Variants in GNG10 observed in about 807,000 individuals in gnomAD.
GNG10 encodes the protein G protein subunit gamma 10.
A neutral mutation model predicts 6.8 loss-of-function variants in GNG10; 7 were observed. The observed-to-expected ratio is 1.02, with a 90% CI of 0.58 to 1.92. The LOEUF (loss-of-function observed/expected upper bound fraction) is 1.92. Ranked by LOEUF, GNG10 falls within the 30% of genes most tolerant of loss-of-function variation. The pLI, the probability that GNG10 is intolerant of heterozygous loss-of-function variation, is 0.00. For missense variants in GNG10, 57 were observed against 86.1 expected (o/e 0.66, Z 1.34); for synonymous variants, 28 against 34.8 (o/e 0.80, Z 0.69).
rs1359731379 is a variant in GNG10, at chr9:111,661,943, C to T, written c.81+228C>T. 6.6e-6 allele frequency among the ~76,000 whole-genome samples: 1 copy of T among 151,852 alleles called. No individual in the cohort carries two copies. Among genetic ancestry groups the T allele is most frequent in the Non-Finnish European group, 1.5e-5 (1 of 67,908 alleles). ...GGGGGCCCCGCGGTCGTGGTCGGTCCCGGTCCCTGGGGGTGCGCCCACTCC... is the reference window on the plus strand; with the variant it reads ...GGGGGCCCCGCGGTCGTGGTCGGTCTCGGTCCCTGGGGGTGCGCCCACTCC... On this transcript the variant is annotated intron_variant, in intron 1 of 2. Transcript: ENST00000374293. The surrounding 1 kb of genome is among the most constrained non-coding windows in gnomAD (Gnocchi z 6.1).
At chr9:111,664,832 T>C (rs1017041848) in intron 1 of GNG10, among the ~76,000 whole-genome samples, 1 of 152,166 alleles carries the variant, frequency 6.6e-6, no homozygotes, top group African/African-American at 2.4e-5. Flanking sequence ...GTGTGGAGTT[T>C]ACCTGCCACC....
chr9:111,668,641 T>C (rs1326128806), intron 2 of GNG10, among the ~76,000 whole-genome samples: 1 of 152,066 alleles, frequency 6.6e-6, no homozygotes. Context: ...TGCAGCACCA[T>C]GCCTGGCTAA....
At chr9:111,663,025 G>T (rs964387) in intron 1 of GNG10, among the ~76,000 whole-genome samples, 2 of 150,352 alleles carry the variant, frequency 1.3e-5, no homozygotes, top group African/African-American at 5.0e-5. Context: ...ACAGGGCTAC[G>T]GGGGGGTGGG....
intron 1 of GNG10, among the ~76,000 whole-genome samples, chr9:111,662,191 G>A (rs1173706935): frequency 6.6e-6 from 1 of 152,212 alleles, no homozygotes; most frequent in Non-Finnish European, 1.5e-5. Context: ...AGGGGGAACA[G>A]GTTTGGGGAA....
chr9:111,661,732 C>T lies in GNG10; in HGVS notation c.81+17C>T. 3.0e-6 allele frequency: 4 copies of T among 1,313,738 alleles called. No homozygotes were observed. Among genetic ancestry groups the T allele is most frequent in the Non-Finnish European group, 4.0e-6 (4 of 1,007,060 alleles). 81.4% of individuals were successfully genotyped at this position (1,313,738 alleles called of 1,614,324 possible). On this transcript the variant is annotated intron_variant, in intron 1 of 2. Transcript: ENST00000374293. The surrounding 1 kb of genome is among the most constrained non-coding windows in gnomAD (Gnocchi z 6.1). ...AGGATCAAGGTGCGGGCCCCGGGTACCCACGCTCCGGTCCTTCCGCCCGCG... is the reference window on the plus strand; with the variant it reads ...AGGATCAAGGTGCGGGCCCCGGGTATCCACGCTCCGGTCCTTCCGCCCGCG...
At chr9:111,666,787 G>T (rs1483602070) in intron 1 of GNG10, 28 bp from the exon 2 acceptor site, 5 of 1,608,790 alleles carry the variant, frequency 3.1e-6, no homozygotes, top group East Asian at 4.5e-5. Context: ...TGTGAGCAGG[G>T]TGCCATGTTG....
chr9:111,668,377 A>G (rs1050916507), intron 2 of GNG10, among the ~76,000 whole-genome samples: 1 of 150,974 alleles, frequency 6.6e-6, no homozygotes, highest in Non-Finnish European at 1.5e-5. Context: ...TGGTGTTAAG[A>G]TAATAGTCTT....
rs758092675 is a variant in GNG10, at chr9:111,666,938, T to C, written c.205T>C (p.Ter69ArgextTer3). ...GGAGCCTAGATCCTGTGCTTTACTC[T>C]GAAGACTCGTGAGTAATGATACACC... ...FREPRSCALL[*>R] Residue 69 changes from the stop codon to arginine, a stop_lost, in exon 2 of 3, where the codon TGA becomes CGA. Coordinates refer to ENST00000374293, the MANE Select transcript of GNG10 (RefSeq NM_001017998.4). 1 of 1,614,066 alleles carries C rather than the reference T, an allele frequency of 6.2e-7. No individual in the cohort carries two copies. The highest frequency in any genetic ancestry group is 8.5e-7 in the Non-Finnish European group (1 of 1,179,968).
At chr9:111,665,124 T>C (rs1436426049) in intron 1 of GNG10, among the ~76,000 whole-genome samples, 2 of 152,182 alleles carry the variant, frequency 1.3e-5, no homozygotes, top group Non-Finnish European at 2.9e-5. Context: ...TTTCCAGTTA[T>C]TTGGAGGCTT....
intron 1 of GNG10, among the ~76,000 whole-genome samples, chr9:111,662,696 G>C (rs898791476): frequency 6.6e-6 from 1 of 152,188 alleles, no homozygotes; most frequent in Non-Finnish European, 1.5e-5. Flanking sequence ...TTCTGGAGGG[G>C]AAGGTAAACA....
rs765698870 is a variant in GNG10, at chr9:111,666,925, C to T, written c.192C>T (p.Ser64=). ...AGSNPFREPR[S]CALL ...GTAACCCCTTCCGGGAGCCTAGATC[C>T]TGTGCTTTACTCTGAAGACTCGTGA... The change falls in exon 2 of 3, where the codon TCC becomes TCT. Residue 64 remains serine, a synonymous_variant. Coordinates refer to ENST00000374293, the MANE Select transcript of GNG10 (RefSeq NM_001017998.4). 2.7e-5 allele frequency: 44 copies of T among 1,614,006 alleles called. No homozygotes were observed. Among genetic ancestry groups the T allele is most frequent in the Non-Finnish European group, 3.6e-5 (42 of 1,180,004 alleles).
chr9:111,664,795 T>G (rs1375058679), intron 1 of GNG10, among the ~76,000 whole-genome samples: 1 of 152,184 alleles, frequency 6.6e-6, no homozygotes, highest in Non-Finnish European at 1.5e-5. Context: ...CCAGGAGTCC[T>G]GGAGACAGTG....
In GNG10 at chr9:111,662,034, G is replaced by C. The variant is rs1049021025; in HGVS notation, c.81+319G>C. 5.3e-5 allele frequency among the ~76,000 whole-genome samples: 8 copies of C among 150,836 alleles called. No individual in the cohort carries two copies. In the South Asian group the frequency reaches 1.7e-3, roughly 31 times the overall value. On this transcript the variant is annotated intron_variant, in intron 1 of 2. Transcript: ENST00000374293. Reference sequence around the variant, plus strand: ...TGCCGGCGACGCGCGGGCCGGGAGGGTGGACCCAGGGCTGGGGAGGCCACC... The same window carrying C: ...TGCCGGCGACGCGCGGGCCGGGAGGCTGGACCCAGGGCTGGGGAGGCCACC...
intron 1 of GNG10, 38 bp from the exon 2 acceptor site, chr9:111,666,777 T>A: frequency 6.3e-7 from 1 of 1,599,890 alleles, no homozygotes; most frequent in Non-Finnish European, 8.5e-7. Context: ...GTGGCTTGGC[T>A]GTGAGCAGGG....
At position 111,661,753 on chromosome 9, in the gene GNG10, C is replaced by G. The variant is rs192633650; in HGVS notation, c.81+38C>G. 2,785 of 1,224,822 alleles carry G rather than the reference C, an allele frequency of 2.3e-3. 48 individuals carry two copies. The African/African-American group carries it at 0.038, about 17-fold the overall frequency. 75.9% of individuals were successfully genotyped at this position (1,224,822 alleles called of 1,614,324 possible). A position where few individuals can be genotyped will look rare whatever the true frequency, so the allele number is the denominator to read the frequency against. Reference sequence around the variant, plus strand: ...GGTACCCACGCTCCGGTCCTTCCGCCCGCGGGGCGTGAGAAGAGGAGGCCG... The same window carrying G: ...GGTACCCACGCTCCGGTCCTTCCGCGCGCGGGGCGTGAGAAGAGGAGGCCG... On this transcript the variant is annotated intron_variant, in intron 1 of 2. Transcript: ENST00000374293. This position sits in a 1 kb window ranked among gnomAD's most constrained non-coding sequence, Gnocchi z 6.1.
At position 111,661,836 on chromosome 9, in the gene GNG10, G is replaced by A; in HGVS notation, c.81+121G>A. 1 of 429,472 alleles carries A rather than the reference G, an allele frequency of 2.3e-6. No individual in the cohort carries two copies. The highest frequency in any genetic ancestry group is 3.5e-6 in the Non-Finnish European group (1 of 289,454). 26.6% of individuals were successfully genotyped at this position (429,472 alleles called of 1,614,324 possible). ...GTGGCGGCGGCGAGGCCTCGGCGGG[G>A]CGCGGGGGCGGTGGGGTCCGCGGTG... is the stretch of plus-strand genomic sequence containing the variant. On this transcript the variant is annotated intron_variant, in intron 1 of 2. Coordinates refer to ENST00000374293, the MANE Select transcript of GNG10 (RefSeq NM_001017998.4). The surrounding 1 kb of genome is among the most constrained non-coding windows in gnomAD (Gnocchi z 6.1).
intron 1 of GNG10, among the ~76,000 whole-genome samples, chr9:111,666,439 C>A (rs572229306): frequency 6.6e-6 from 1 of 152,236 alleles, no homozygotes; most frequent in Admixed American, 6.5e-5. Context: ...AACATTAAGA[C>A]AATTTGCTCA....
At chr9:111,666,587 G>A (rs997984865) in intron 1 of GNG10, among the ~76,000 whole-genome samples, 8 of 152,164 alleles carry the variant, frequency 5.3e-5, no homozygotes, top group Non-Finnish European at 7.4e-5. Flanking sequence ...GCTTTTTCTT[G>A]TCTTCGTTGA....
chr9:111,665,562 C>T (rs916718043), intron 1 of GNG10, among the ~76,000 whole-genome samples: 1 of 152,130 alleles, frequency 6.6e-6, no homozygotes, highest in Non-Finnish European at 1.5e-5. Context: ...CTTACCAGTT[C>T]TCCTCTACAA....
Sources: allele counts gnomAD v4.1 joint callset (sites outside exome capture counted in the v4.1 genomes callset), GRCh38; gene constraint gnomAD v4.1.1; non-coding constraint Gnocchi (gnomAD v3.1); transcripts MANE v1.5; gene names NCBI Gene and HGNC (gene_info 2026-07-23, HGNC 2026-07-21).